The following ZBTB10 variants were observed in gnomAD, a reference collection of about 807,000 sequenced individuals.
The protein encoded by ZBTB10 is zinc finger and BTB domain-containing protein 10.
In ZBTB10, 32 loss-of-function variants were observed where a neutral mutation model predicts 76.4. The ratio of observed to expected loss-of-function variants is 0.42; its 90% CI spans 0.32 to 0.56. The LOEUF (loss-of-function observed/expected upper bound fraction) is 0.56, where lower values mean the gene tolerates loss of function less well. Ranked by LOEUF, ZBTB10 falls within the 20% of genes least tolerant of loss-of-function variation. The pLI is 0.14. For missense variants in ZBTB10, 1,057 were observed against 1,098.5 expected (o/e 0.96, Z 0.53); for synonymous variants, 523 against 432.9 (o/e 1.21, Z -2.58).
rs1385365831 is a variant in ZBTB10 at position 80,521,652 on chromosome 8, T to TA, written c.*2125dup. ...AATGTACTTTTACTTTTCCTCAAGA[T>TA]ATGAACTTACTCTCTTGAAGCTGAA... On this transcript the variant is annotated 3_prime_UTR_variant, in exon 6 of 6. Transcript: ENST00000455036. The TA allele has an allele frequency of 6.6e-6, 1 of 151,828 alleles. No homozygotes were observed. The highest frequency in any genetic ancestry group is 2.4e-5 in the African/African-American group (1 of 41,432). 9.4% of individuals were successfully genotyped at this position (151,828 alleles called of 1,614,324 possible).
At chr8:80,506,495 G>A (rs1207572544) in intron 2 of ZBTB10, among the ~76,000 whole-genome samples, 2 of 150,760 alleles carry the variant, frequency 1.3e-5, no homozygotes, top group Non-Finnish European at 1.5e-5. Flanking sequence ...TGTATTTTTA[G>A]TAGAGACGAG....
chr8:80,488,781 G>T (rs1193527266), intron 1 of ZBTB10, among the ~76,000 whole-genome samples: 2 of 152,144 alleles, frequency 1.3e-5, no homozygotes, highest in East Asian at 3.8e-4. Flanking sequence ...GTGGTGGATG[G>T]AATTCATTCT....
chr8:80,494,702 G>C (rs1815735306), intron 1 of ZBTB10, among the ~76,000 whole-genome samples: 1 of 150,816 alleles, frequency 6.6e-6, no homozygotes, highest in Non-Finnish European at 1.5e-5. Flanking sequence ...AGGATTGCTT[G>C]AGCCCAGGAG....
chr8:80,486,846 G>T lies in ZBTB10; in HGVS notation c.36G>T (p.Ala12=), dbSNP rs1718498575. The T allele has an allele frequency of 1.3e-6, 2 of 1,505,934 alleles. No homozygotes were observed. Among genetic ancestry groups the T allele is most frequent in the Non-Finnish European group, 1.8e-6 (2 of 1,129,360 alleles). 93.3% of individuals were successfully genotyped at this position (1,505,934 alleles called of 1,614,324 possible). ...GTGAAATGAACCGCAGGACGCTGGCGTTCCGAGGAGGCGGGTTGGTCACCG... is the reference window on the plus strand; with the variant it reads ...GTGAAATGAACCGCAGGACGCTGGCTTTCCGAGGAGGCGGGTTGGTCACCG... ...SFSEMNRRTL[A]FRGGGLVTAS... is the part of the protein sequence containing the mutation. Residue 12 remains alanine, a synonymous_variant, in exon 1 of 6, where the codon GCG becomes GCT. Transcript: ENST00000455036.
chr8:80,499,899 A>G lies in ZBTB10; in HGVS notation c.1378A>G (p.Lys460Glu). Residue 460 changes from lysine (K) to glutamate (E), a missense_variant, in exon 2 of 6, where the codon AAA becomes GAA. Coordinates refer to ENST00000455036, the MANE Select transcript of ZBTB10 (RefSeq NM_001105539.3). ...EVVQTCRNFI[K>E]DALNISIKSE... ...TGTTCAAACTTGCCGAAATTTCATTAAAGATGCCTTAAATATAAGCATTAA... is the reference window on the plus strand; with the variant it reads ...TGTTCAAACTTGCCGAAATTTCATTGAAGATGCCTTAAATATAAGCATTAA... 1 of 1,613,882 alleles carries G rather than the reference A, an allele frequency of 6.2e-7. No homozygotes were observed. Among genetic ancestry groups the G allele is most frequent in the South Asian group, 1.1e-5 (1 of 91,064 alleles).
At position 80,486,393 on chromosome 8, in the gene ZBTB10, C is replaced by T. The variant is rs147985096; in HGVS notation, c.-418C>T. Reference sequence around the variant, plus strand: ...TCCTCGGCGCGCGGAGGAAGGATATCTGTGTGGAGGATCGGTGTGTGCGCG... The same window carrying T: ...TCCTCGGCGCGCGGAGGAAGGATATTTGTGTGGAGGATCGGTGTGTGCGCG... On this transcript the variant is annotated 5_prime_UTR_variant, in exon 1 of 6. Coordinates refer to ENST00000455036, the MANE Select transcript of ZBTB10 (RefSeq NM_001105539.3). The T allele has an allele frequency of 1.9e-3, 1,917 of 989,474 alleles. 3 individuals carry two copies. Among genetic ancestry groups the T allele is most frequent in the Non-Finnish European group, 2.1e-3 (1,744 of 833,412 alleles). 61.3% of individuals were successfully genotyped at this position (989,474 alleles called of 1,614,324 possible).
chr8:80,518,660 T>C, intron 4 of ZBTB10, 81 bp downstream of exon 4: 1 of 1,486,292 alleles, frequency 6.7e-7, no homozygotes, highest in Non-Finnish European at 8.9e-7. Context: ...CTGCATTTTT[T>C]AAAAACCAAG....
rs1585865202 is a variant in ZBTB10 at position 80,519,776 on chromosome 8, A to T, written c.*248A>T. The T allele has an allele frequency of 4.1e-5, 15 of 367,000 alleles. No individual in the cohort carries two copies. In the East Asian group the frequency reaches 6.4e-4, roughly 16 times the overall value. 22.7% of individuals were successfully genotyped at this position (367,000 alleles called of 1,614,324 possible). On this transcript the variant is annotated 3_prime_UTR_variant, in exon 6 of 6. Transcript: ENST00000455036. ...ACATACTCAGTCAGTTATCAAAGTA[A>T]AATATTTTTTATTTATAGGATATAC... is the stretch of plus-strand genomic sequence containing the variant.
rs183577956 is a variant in ZBTB10 at position 80,510,189 on chromosome 8, A to C, written c.1862-3721A>C. ...TTAACACAGAGTGGAATTAATGTTT[A>C]TTTTTGTTCATTTCACAAAAAGAGC... is the stretch of plus-strand genomic sequence containing the variant. On this transcript the variant is annotated intron_variant, in intron 2 of 5. Transcript: ENST00000455036. 7.2e-5 allele frequency among the ~76,000 whole-genome samples: 11 copies of C among 152,278 alleles called. No homozygotes were observed. The East Asian group carries it at 2.1e-3, about 29-fold the overall frequency.
intron 2 of ZBTB10, among the ~76,000 whole-genome samples, chr8:80,509,719 A>G (rs1487760041): frequency 6.6e-6 from 1 of 152,216 alleles, no homozygotes; most frequent in East Asian, 1.9e-4. Flanking sequence ...GATTTAGACC[A>G]GTCTTTTAAT....
chr8:80,518,475 G>A lies in ZBTB10; in HGVS notation c.2033G>A (p.Gly678Asp). 2 of 1,553,188 alleles carry A rather than the reference G, an allele frequency of 1.3e-6. No individual in the cohort carries two copies. The highest frequency in any genetic ancestry group is 1.4e-5 in the African/African-American group (1 of 73,348). ...GATTTCAAGTATGGATTGATACCAG[G>A]TACTTCAAATGATTTCAAGTATGGA... is the stretch of plus-strand genomic sequence containing the variant. ...SNDFKYGLIP[G>D]TSNDFKYGLI... The change falls in exon 4 of 6, where the codon GGT (glycine) becomes GAT (aspartate). Residue 678 changes from glycine to aspartate, a missense_variant. Physicochemically the swap from Gly to Asp is moderately conservative, Grantham distance 94. Coordinates refer to ENST00000455036, the MANE Select transcript of ZBTB10 (RefSeq NM_001105539.3).
chr8:80,496,502 A>G (rs1029444100), intron 1 of ZBTB10, among the ~76,000 whole-genome samples: 2 of 151,660 alleles, frequency 1.3e-5, no homozygotes, highest in African/African-American at 4.8e-5. Context: ...TTGTTCTTGT[A>G]CCATAGTAAT....
rs1290211132 is a variant in ZBTB10 at position 80,487,792 on chromosome 8, A to G, written c.972+10A>G. On this transcript the variant is annotated intron_variant, in intron 1 of 5. Coordinates refer to ENST00000455036, the MANE Select transcript of ZBTB10 (RefSeq NM_001105539.3). ...CGAAGCCAACGCCCAGGTACAGTAT[A>G]TCCTGCTCCTACTTTTTTGAGATCT... is the stretch of plus-strand genomic sequence containing the variant. 3 of 1,544,406 alleles carry G rather than the reference A, an allele frequency of 1.9e-6. No individual in the cohort carries two copies. Among genetic ancestry groups the G allele is most frequent in the African/African-American group, 2.8e-5 (2 of 72,438 alleles).
In ZBTB10 at chr8:80,486,881, G is replaced by A. The variant is rs1183876475; in HGVS notation, c.71G>A (p.Gly24Asp). The part of the protein sequence containing the change: ...RGGGLVTASG[G>D]GSTNNNAGGE... ...GGCGGGTTGGTCACCGCTAGCGGCGGCGGCTCCACGAACAATAACGCTGGC... is the reference window on the plus strand; with the variant it reads ...GGCGGGTTGGTCACCGCTAGCGGCGACGGCTCCACGAACAATAACGCTGGC... The change falls in exon 1 of 6, where the codon GGC (glycine) becomes GAC (aspartate). Residue 24 changes from glycine to aspartate, a missense_variant. Gly to Asp is a moderately conservative substitution (Grantham distance 94). Coordinates refer to ENST00000455036, the MANE Select transcript of ZBTB10 (RefSeq NM_001105539.3). 2 of 1,513,818 alleles carry A rather than the reference G, an allele frequency of 1.3e-6. No individual in the cohort carries two copies. Among genetic ancestry groups the A allele is most frequent in the East Asian group, 2.8e-5 (1 of 36,144 alleles). The allele number at this position is 1,513,818 out of a possible 1,614,324, so 93.8% of individuals were successfully genotyped here.
chr8:80,492,500 G>T (rs1203515237), intron 1 of ZBTB10, among the ~76,000 whole-genome samples: 3 of 150,960 alleles, frequency 2.0e-5, no homozygotes, highest in African/African-American at 7.3e-5. Flanking sequence ...TTTTTTTTGA[G>T]ATGGGGTCTC....
chr8:80,496,049 TG>T (rs1373657027), intron 1 of ZBTB10, among the ~76,000 whole-genome samples: 2 of 152,198 alleles, frequency 1.3e-5, no homozygotes, highest in Non-Finnish European at 2.9e-5. Flanking sequence ...AAAGACCAGT[TG>T]TGGAAATAGT....
Position 80,519,378 on chromosome 8 carries a change from GGGACA to G in ZBTB10, c.2470_2474del (p.Gln824TyrfsTer7). 6.3e-7 allele frequency: 1 copy of G among 1,594,758 alleles called. No homozygotes were observed. Among genetic ancestry groups the G allele is most frequent in the Non-Finnish European group, 8.5e-7 (1 of 1,171,214 alleles). Reference sequence around the variant, plus strand: ...CAGGAGGGCAAGAAGGTGTAGATCAGGGACAGGATACAGAATTCCCTCGGGATGAA... The same window carrying G: ...CAGGAGGGCAAGAAGGTGTAGATCAGGGATACAGAATTCCCTCGGGATGAA... On this transcript the variant is annotated frameshift_variant, in exon 6 of 6. Transcript: ENST00000455036. LOFTEE classifies it high-confidence loss of function.
intron 1 of ZBTB10, among the ~76,000 whole-genome samples, chr8:80,495,744 A>G (rs990786234): frequency 3.3e-5 from 5 of 152,168 alleles, no homozygotes; most frequent in Non-Finnish European, 4.4e-5. Context: ...AATATTTACT[A>G]TTTTGTAGCC....
At chr8:80,513,842 AAGAG>A in intron 2 of ZBTB10, 64 bp from the exon 3 acceptor site, 1 of 1,221,954 alleles carries the variant, frequency 8.2e-7, no homozygotes, top group East Asian at 2.4e-5. Flanking sequence ...AGTTCCAAGA[AAGAG>A]TGGTGTTTTG....
Sources: allele counts gnomAD v4.1 joint callset (sites outside exome capture counted in the v4.1 genomes callset), GRCh38; gene constraint gnomAD v4.1.1; transcripts MANE v1.5; gene names NCBI Gene and HGNC (gene_info 2026-07-23, HGNC 2026-07-21).